The following ENOSF1 variants were observed in gnomAD, a reference collection of about 807,000 sequenced individuals.
ENOSF1 encodes mitochondrial enolase superfamily member 1.
A neutral mutation model predicts 68.2 loss-of-function variants in ENOSF1; 73 were observed. The observed-to-expected ratio is 1.07, with a 90% confidence interval of 0.89 to 1.30. ENOSF1 has a LOEUF of 1.30. ENOSF1 is among the 50% of genes most tolerant of loss of function. The pLI, the probability that ENOSF1 is intolerant of heterozygous loss-of-function variation, is 0.00. For synonymous variants in ENOSF1, 223 were observed against 210.4 expected (o/e 1.06, Z -0.52); for missense variants, 589 against 554.5 (o/e 1.06, Z -0.62).
chr18:677,530 C>A, intron 13 of ENOSF1, 86 bp from the exon 14 acceptor site: 1 of 1,273,892 alleles, frequency 7.8e-7, no homozygotes, highest in Non-Finnish European at 1.1e-6. Flanking sequence ...TTTCTTATTG[C>A]CCACAGGTGA....
intron 1 of ENOSF1, among the ~76,000 whole-genome samples, chr18:709,521 G>A (rs757782989): frequency 2.0e-4 from 31 of 152,084 alleles, no homozygotes; most frequent in East Asian, 1.7e-3. Flanking sequence ...CCTGTAATCC[G>A]GCACTTTGGG....
chr18:668,234 T>A (rs1039803326), downstream of ENOSF1, among the ~76,000 whole-genome samples: 3 of 148,454 alleles, frequency 2.0e-5, no homozygotes, highest in African/African-American at 7.4e-5. Context: ...TTCATCTTTT[T>A]AAAATCTTTG....
chr18:709,982 T>A (rs958643252), intron 1 of ENOSF1, among the ~76,000 whole-genome samples: 1 of 152,114 alleles, frequency 6.6e-6, no homozygotes, highest in African/African-American at 2.4e-5. Context: ...ATACACCCTA[T>A]CTCCCCAAGA....
rs776529787 is a variant in ENOSF1 at position 677,370 on chromosome 18, A to G, written c.1123T>C (p.Ser375Pro). 7 of 1,613,894 alleles carry G rather than the reference A, an allele frequency of 4.3e-6. No individual in the cohort carries two copies. Among genetic ancestry groups the G allele is most frequent in the Admixed American group, 1.7e-5 (1 of 59,902 alleles). The change falls in exon 14 of 16, where the codon TCA (serine) becomes CCA (proline). Residue 375 changes from serine (S) to proline (P), a missense_variant. Coordinates refer to ENST00000647584, the MANE Select transcript of ENOSF1 (RefSeq NM_017512.7). Reference sequence around the variant, plus strand: ...CTATTTTCAAGGCTTGCAGAAACTGATATGTAGTCAAATATAATCAGGTGC... The same window carrying G: ...CTATTTTCAAGGCTTGCAGAAACTGGTATGTAGTCAAATATAATCAGGTGC... ...VQHLIIFDYI[S>P]VSASLENRVC...
chr18:703,946 T>C (rs1341046519), intron 2 of ENOSF1, among the ~76,000 whole-genome samples: 2 of 152,150 alleles, frequency 1.3e-5, no homozygotes, highest in South Asian at 4.1e-4. Context: ...CCCCATTCCC[T>C]TTCTCTTGAT....
intron 3 of ENOSF1, 125 bp from the exon 4 acceptor site, chr18:694,459 C>T (rs2145136396): frequency 1.4e-5 from 11 of 786,572 alleles, no homozygotes; most frequent in Middle Eastern, 2.4e-4. Flanking sequence ...GGTGAAACCC[C>T]GTCTCTACTG....
intron 5 of ENOSF1, chr18:693,285 A>T (rs2606248): frequency 0.35 from 447,735 of 1,266,554 alleles, 81,471 homozygotes; most frequent in Non-Finnish European, 0.37. Context: ...CAATGGCCTG[A>T]TCTTATTCTT....
chr18:673,044 G>A lies in ENOSF1; in HGVS notation c.*1261C>T, dbSNP rs1364103259. On this transcript the variant is annotated 3_prime_UTR_variant, in exon 16 of 16. Coordinates refer to ENST00000647584, the MANE Select transcript of ENOSF1 (RefSeq NM_017512.7). ...AGGATATTGTCAGTCTTTAGGGGTT[G>A]GGCTGGATGCCGAGGTAAAAGTTCT... is the stretch of plus-strand genomic sequence containing the variant. 6.9e-7 allele frequency: 1 copy of A among 1,453,796 alleles called. No homozygotes were observed. The allele number at this position is 1,453,796 out of a possible 1,614,324, so 90.1% of individuals were successfully genotyped here. A position where few individuals can be genotyped will look rare whatever the true frequency, so the allele number is the denominator to read the frequency against.
chr18:701,783 G>A (rs2078377134), intron 2 of ENOSF1, among the ~76,000 whole-genome samples: 1 of 150,316 alleles, frequency 6.7e-6, no homozygotes, highest in Non-Finnish European at 1.5e-5. Context: ...TAGCTGGCGT[G>A]ATAGTGGGCA....
Position 690,408 on chromosome 18 carries a change from G to A in ENOSF1, c.618+141C>T, listed in dbSNP as rs963969641. On this transcript the variant is annotated intron_variant, in intron 8 of 15. Coordinates refer to ENST00000647584, the MANE Select transcript of ENOSF1 (RefSeq NM_017512.7). ...CAGTTGGTGTCCACAGAGAAGTGGAGAACTGGTTGGCGTGAGAAGGAAAAC... is the reference window on the plus strand; with the variant it reads ...CAGTTGGTGTCCACAGAGAAGTGGAAAACTGGTTGGCGTGAGAAGGAAAAC... 1.0e-5 allele frequency: 9 copies of A among 875,402 alleles called. No individual in the cohort carries two copies. In the African/African-American group the frequency reaches 1.3e-4, roughly 13 times the overall value. 54.2% of individuals were successfully genotyped at this position (875,402 alleles called of 1,614,324 possible).
chr18:667,456 ATGATGGAGATGGT>A (rs2074872356), downstream of ENOSF1, among the ~76,000 whole-genome samples: 5 of 1,152 alleles, frequency 4.3e-3, 2 homozygotes, highest in African/African-American at 0.02. Context: ...GGTGATGGTG[ATGATGGAGATGGT>A]GATGGTGATG....
At chr18:695,589 T>A (rs1350311161) in intron 3 of ENOSF1, among the ~76,000 whole-genome samples, 1 of 152,160 alleles carries the variant, frequency 6.6e-6, no homozygotes, top group East Asian at 1.9e-4. Context: ...ATTACCTCCT[T>A]AAAAATTTTT....
chr18:710,402 G>A (rs1037585348), intron 1 of ENOSF1, among the ~76,000 whole-genome samples: 4 of 151,864 alleles, frequency 2.6e-5, no homozygotes, highest in Admixed American at 1.3e-4. Context: ...GAACCACCAC[G>A]CTCAGCCAAA....
intron 1 of ENOSF1, among the ~76,000 whole-genome samples, chr18:710,267 C>A (rs1260455580): frequency 1.3e-5 from 2 of 152,134 alleles, no homozygotes; most frequent in African/African-American, 4.8e-5. Flanking sequence ...TGCAACTACG[C>A]CCAGCTAATT....
At chr18:688,729 A>G (rs2076866149) in intron 8 of ENOSF1, 121 bp from the exon 9 acceptor site, 3 of 836,010 alleles carry the variant, frequency 3.6e-6, no homozygotes, top group African/African-American at 1.7e-5. Context: ...AGTAACACCC[A>G]TGTGTTGTTG....
intron 3 of ENOSF1, 112 bp from the exon 4 acceptor site, chr18:694,446 C>T: frequency 3.4e-6 from 3 of 887,360 alleles, no homozygotes; most frequent in South Asian, 1.6e-5. Flanking sequence ...GCCTGGCCAA[C>T]ATGGTGAAAC....
In ENOSF1 at chr18:677,563, G is replaced by A. The variant is rs925321577; in HGVS notation, c.1049-119C>T. On this transcript the variant is annotated intron_variant, in intron 13 of 15. Transcript: ENST00000647584. ...TGATTAAATCATTTATTAATATTTA[G>A]GAAGGAAATTCCAAGATGAAAATCA... 4.0e-6 allele frequency: 5 copies of A among 1,250,718 alleles called. No homozygotes were observed. The African/African-American group carries it at 6.1e-5, about 15-fold the overall frequency. The allele number at this position is 1,250,718 out of a possible 1,614,324, so 77.5% of individuals were successfully genotyped here.
Position 674,114 on chromosome 18 carries a change from G to T in ENOSF1, c.*191C>A. ...AAATCTAAACTTATTTAAGGATTAAGTAGGATAACGTGCATTGATTTGCTA... is the reference window on the plus strand; with the variant it reads ...AAATCTAAACTTATTTAAGGATTAATTAGGATAACGTGCATTGATTTGCTA... On this transcript the variant is annotated 3_prime_UTR_variant, in exon 16 of 16. Coordinates refer to ENST00000647584, the MANE Select transcript of ENOSF1 (RefSeq NM_017512.7). 3.9e-6 allele frequency: 2 copies of T among 508,120 alleles called. No individual in the cohort carries two copies. The highest frequency in any genetic ancestry group is 3.5e-6 in the Non-Finnish European group (1 of 287,684). 31.5% of individuals were successfully genotyped at this position (508,120 alleles called of 1,614,324 possible). A position where few individuals can be genotyped will look rare whatever the true frequency, so the allele number is the denominator to read the frequency against.
Position 685,949 on chromosome 18 carries a change from C to T in ENOSF1, c.713G>A (p.Arg238Gln), listed in dbSNP as rs778994924. ...QDDMRRCQII[R>Q]DMIGPEKTLM... Reference sequence around the variant, plus strand: ...AGTCTTTTCCGGTCCAATCATGTCTCGGATGATTTGGCATCTTCGCATGTC... The same window carrying T: ...AGTCTTTTCCGGTCCAATCATGTCTTGGATGATTTGGCATCTTCGCATGTC... Residue 238 changes from arginine to glutamine, a missense_variant, in exon 10 of 16, where the codon CGA becomes CAA. Transcript: ENST00000647584. 7 of 1,613,944 alleles carry T rather than the reference C, an allele frequency of 4.3e-6. No individual in the cohort carries two copies. Among genetic ancestry groups the T allele is most frequent in the Admixed American group, 3.3e-5 (2 of 60,004 alleles).
Sources: allele counts gnomAD v4.1 joint callset (sites outside exome capture counted in the v4.1 genomes callset), GRCh38; gene constraint gnomAD v4.1.1; transcripts MANE v1.5; gene names NCBI Gene and HGNC (gene_info 2026-07-23, HGNC 2026-07-21).